Variants in SPOCK1 observed in about 807,000 individuals in gnomAD.
SPOCK1 encodes SPARC (osteonectin), cwcv and kazal like domains proteoglycan 1.
SPOCK1 carries 23 observed loss-of-function variants against 55.3 expected under a neutral mutation model. The ratio of observed to expected loss-of-function variants is 0.42; its 90% CI spans 0.30 to 0.59. SPOCK1 has a LOEUF of 0.59. SPOCK1 is among the 20% of genes least tolerant of loss of function. The probability of loss-of-function intolerance (pLI) is 0.22; values close to 1 mark genes in which losing one functional copy is unlikely to be tolerated. For synonymous variants in SPOCK1, 226 were observed against 221.0 expected (o/e 1.02, Z -0.20); for missense variants, 499 against 552.5 (o/e 0.90, Z 0.97).
chr5:137,484,559 C>T (rs911791003), intron 2 of SPOCK1, among the ~76,000 whole-genome samples: 3 of 152,172 alleles, frequency 2.0e-5, no homozygotes, highest in African/African-American at 7.2e-5. Flanking sequence ...CACTGATACC[C>T]GTGGCTGGAA....
At chr5:137,250,334 A>C (rs994983902) in intron 3 of SPOCK1, among the ~76,000 whole-genome samples, 2 of 152,230 alleles carry the variant, frequency 1.3e-5, no homozygotes, top group Non-Finnish European at 2.9e-5. Flanking sequence ...GACTTAATTG[A>C]GCCTCCATTT....
intron 2 of SPOCK1, among the ~76,000 whole-genome samples, chr5:137,484,174 C>T (rs779713423): frequency 1.3e-5 from 2 of 152,214 alleles, no homozygotes; most frequent in Non-Finnish European, 2.9e-5. Context: ...AGGAGCAGGG[C>T]ATCCATCAGC....
intron 3 of SPOCK1, among the ~76,000 whole-genome samples, chr5:137,239,756 A>G (rs1281856496): frequency 6.6e-6 from 1 of 152,214 alleles, no homozygotes; most frequent in Non-Finnish European, 1.5e-5. Flanking sequence ...AGAAAAATCA[A>G]GATCAAAATA....
At chr5:137,168,198 A>G (rs1754686333) in intron 3 of SPOCK1, among the ~76,000 whole-genome samples, 1 of 152,108 alleles carries the variant, frequency 6.6e-6, no homozygotes, top group South Asian at 2.1e-4. Context: ...CCTATCTCTC[A>G]CCATATCAAA....
intron 2 of SPOCK1, among the ~76,000 whole-genome samples, chr5:137,473,326 T>A (rs1398472034): frequency 6.6e-6 from 1 of 152,216 alleles, no homozygotes; most frequent in African/African-American, 2.4e-5. Flanking sequence ...GCTGTTTCCA[T>A]GTATTGTTAA....
intron 7 of SPOCK1, among the ~76,000 whole-genome samples, chr5:136,989,737 T>C (rs1038089139): frequency 6.6e-6 from 1 of 152,104 alleles, no homozygotes; most frequent in Non-Finnish European, 1.5e-5. Context: ...TTGATCTTCC[T>C]GTCCTGAGGC....
chr5:137,156,139 GGTCCTGGGGGAGCAGGGTAA>G lies in SPOCK1; in HGVS notation c.233-15465_233-15446del, dbSNP rs763644502. 3.6e-3 allele frequency among the ~76,000 whole-genome samples: 541 copies of G among 152,258 alleles called. 8 individuals carry two copies. The highest frequency in any genetic ancestry group is 2.0e-3 in the Non-Finnish European group (138 of 68,010). On this transcript the variant is annotated intron_variant, in intron 3 of 10. Coordinates refer to ENST00000394945, the MANE Select transcript of SPOCK1 (RefSeq NM_004598.4). ...CCTGGGGTGCATTCCTGGCTCCTCA[GGTCCTGGGGGAGCAGGGTAA>G]GTGCCTCTGAACCCTGAGAGTGGGG...
chr5:137,018,361 A>C (rs2126978599), intron 6 of SPOCK1, among the ~76,000 whole-genome samples: 1 of 152,350 alleles, frequency 6.6e-6, no homozygotes, highest in South Asian at 2.1e-4. Context: ...TCAACGTGGA[A>C]CCATCACTGG....
chr5:137,303,823 G>A (rs1402259594), intron 2 of SPOCK1, among the ~76,000 whole-genome samples: 1 of 152,208 alleles, frequency 6.6e-6, no homozygotes, highest in Non-Finnish European at 1.5e-5. Flanking sequence ...TGTGACGCCT[G>A]GGACCCTGAG....
At chr5:137,311,577 T>A (rs1429532813) in intron 2 of SPOCK1, among the ~76,000 whole-genome samples, 1 of 152,272 alleles carries the variant, frequency 6.6e-6, no homozygotes, top group Non-Finnish European at 1.5e-5. Flanking sequence ...TTTCAAACTA[T>A]CTACTCCGCT....
At position 137,436,623 on chromosome 5, in the gene SPOCK1, C is replaced by CA. The variant is rs1208347474; in HGVS notation, c.186+61749dup. Among the ~76,000 whole-genome samples the CA allele has an allele frequency of 2.2e-4, 34 of 151,626 alleles. No homozygotes were observed. The South Asian group carries it at 6.0e-3, about 27-fold the overall frequency. On this transcript the variant is annotated intron_variant, in intron 2 of 10. Coordinates refer to ENST00000394945, the MANE Select transcript of SPOCK1 (RefSeq NM_004598.4). ...TATTTGAGAATAATTTGACACAATC[C>CA]AAAAAAAGAAAGAAAGAAAGAAAAC...
intron 2 of SPOCK1, among the ~76,000 whole-genome samples, chr5:137,290,279 AT>A (rs1304197644): frequency 4.6e-5 from 7 of 152,224 alleles, no homozygotes; most frequent in Admixed American, 1.3e-4. Flanking sequence ...AAAAATTGCT[AT>A]GCATTACCAG....
At chr5:137,419,310 T>G (rs1363461206) in intron 2 of SPOCK1, among the ~76,000 whole-genome samples, 3 of 152,180 alleles carry the variant, frequency 2.0e-5, no homozygotes, top group Admixed American at 6.6e-5. Flanking sequence ...ATATGAACTT[T>G]AAAGTAGTTT....
chr5:137,367,236 C>T (rs942349261), intron 2 of SPOCK1, among the ~76,000 whole-genome samples: 8 of 152,164 alleles, frequency 5.3e-5, no homozygotes, highest in Non-Finnish European at 1.0e-4. Flanking sequence ...CACCAGGTGG[C>T]AACAACTGGT....
Position 137,067,730 on chromosome 5 carries a change from T to C in SPOCK1, c.574A>G (p.Lys192Glu), listed in dbSNP as rs1752536655. 1 of 1,614,124 alleles carries C rather than the reference T, an allele frequency of 6.2e-7. No homozygotes were observed. Among genetic ancestry groups the C allele is most frequent in the Non-Finnish European group, 8.5e-7 (1 of 1,179,990 alleles). Residue 192 changes from lysine to glutamate, a missense_variant, in exon 6 of 11, where the codon AAG becomes GAG. Around this residue, in one of 3 missense-constraint regions of SPOCK1, gnomAD observed 386 missense variants for 400.6 expected, o/e 0.96. Coordinates refer to ENST00000394945, the MANE Select transcript of SPOCK1 (RefSeq NM_004598.4). ...CLPEPEPPKHKAERSACTDKE... is the reference protein window; with the variant it reads ...CLPEPEPPKHEAERSACTDKE... ...CCTCACTCACCACTCCTTTCTGCCT[T>C]GTGCTTTGGTGGCTCAGGCTCTGGG...
At chr5:137,326,792 CT>C (rs1758085328) in intron 2 of SPOCK1, among the ~76,000 whole-genome samples, 3 of 152,182 alleles carry the variant, frequency 2.0e-5, no homozygotes, top group African/African-American at 2.4e-5. Flanking sequence ...TACTATTTGA[CT>C]GTTCGGAATT....
At chr5:137,011,184 G>A (rs4309967) in intron 6 of SPOCK1, among the ~76,000 whole-genome samples, 125,668 of 152,116 alleles carry the variant, frequency 0.83, 52,656 homozygotes, top group South Asian at 0.93. Context: ...TATAGACTTC[G>A]CACTTCAGAG....
chr5:136,994,587 C>A (rs1015837276), intron 6 of SPOCK1, among the ~76,000 whole-genome samples: 8 of 151,742 alleles, frequency 5.3e-5, no homozygotes, highest in African/African-American at 1.9e-4. Flanking sequence ...TTATAGGTAA[C>A]ATTAGGGCTA....
intron 6 of SPOCK1, among the ~76,000 whole-genome samples, chr5:137,008,293 A>C (rs558787020): frequency 2.2e-4 from 9 of 40,640 alleles, no homozygotes; most frequent in Non-Finnish European, 7.3e-4. Context: ...TATAATAATA[A>C]ATACACACAC....
Sources: gnomAD v4.1 joint callset for allele counts (sites outside exome capture counted in the v4.1 genomes callset) on GRCh38, gnomAD v4.1.1 for gene constraint, gnomAD v4.1.1 regional missense constraint, MANE v1.5 for transcripts, NCBI Gene and HGNC (gene_info 2026-07-23, HGNC 2026-07-21) for gene names.